Variants in KCNJ16 observed in about 807,000 individuals in gnomAD.
KCNJ16 encodes the protein inward rectifier potassium channel 16.
KCNJ16 carries 15 observed loss-of-function variants against 18.5 expected under a neutral mutation model. That is an observed-to-expected ratio of 0.81 (90% CI 0.54 to 1.25). The LOEUF (loss-of-function observed/expected upper bound fraction) is 1.25, where lower values mean the gene tolerates loss of function less well. KCNJ16 is among the 50% of genes most tolerant of loss of function. The pLI, the probability that KCNJ16 is intolerant of heterozygous loss-of-function variation, is 0.00. For synonymous variants in KCNJ16, 174 were observed against 186.5 expected (o/e 0.93, Z 0.55); for missense variants, 523 against 525.7 (o/e 0.99, Z 0.05).
At chr17:70,120,951 C>T (rs1341218962) in intron 2 of KCNJ16, among the ~76,000 whole-genome samples, 2 of 152,084 alleles carry the variant, frequency 1.3e-5, no homozygotes, top group Non-Finnish European at 2.9e-5. Flanking sequence ...AAGCTTATTA[C>T]CCCCTCTTTA....
At chr17:70,084,405 A>G (rs933498694) in intron 1 of KCNJ16, among the ~76,000 whole-genome samples, 5 of 152,242 alleles carry the variant, frequency 3.3e-5, no homozygotes, top group African/African-American at 1.2e-4. Context: ...GTGTTATGAT[A>G]GAACGGCTTG....
chr17:70,115,512 C>T (rs2073366992), intron 2 of KCNJ16, among the ~76,000 whole-genome samples: 1 of 151,892 alleles, frequency 6.6e-6, no homozygotes, highest in Non-Finnish European at 1.5e-5. Flanking sequence ...ATTTTCTTTC[C>T]AAAGTTATTG....
At chr17:70,085,313 T>C (rs2071744806) in intron 1 of KCNJ16, among the ~76,000 whole-genome samples, 1 of 152,220 alleles carries the variant, frequency 6.6e-6, no homozygotes, top group Non-Finnish European at 1.5e-5. Context: ...TTCTAAATGC[T>C]TTAAAAATAT....
chr17:70,105,611 T>G (rs1389812959), intron 2 of KCNJ16, among the ~76,000 whole-genome samples: 1 of 152,230 alleles, frequency 6.6e-6, no homozygotes, highest in Non-Finnish European at 1.5e-5. Flanking sequence ...AAAGACTCTT[T>G]AGAAAAACAA....
At chr17:70,077,640 C>A (rs147828596) in intron 1 of KCNJ16, among the ~76,000 whole-genome samples, 56 of 151,234 alleles carry the variant, frequency 3.7e-4, no homozygotes, top group African/African-American at 1.3e-3. Context: ...AATTAGAAGT[C>A]TTTCTCCAAA....
rs150946517 is a variant in KCNJ16 at position 70,078,149 on chromosome 17, G to C, written c.-300+2759G>C. 9.5e-3 allele frequency among the ~76,000 whole-genome samples: 1,449 copies of C among 152,206 alleles called. 64 individuals are homozygous for C. The South Asian group carries it at 0.13, about 14-fold the overall frequency. On this transcript the variant is annotated intron_variant, in intron 1 of 3. Coordinates refer to ENST00000392671, the MANE Select transcript of KCNJ16 (RefSeq NM_170741.4). Reference sequence around the variant, plus strand: ...ACCTTGTTCCAGAAAGTTCTACTCTGAAATCAAGGATCTGGATGCAAAACA... The same window carrying C: ...ACCTTGTTCCAGAAAGTTCTACTCTCAAATCAAGGATCTGGATGCAAAACA...
chr17:70,084,071 C>A (rs2071682741), intron 1 of KCNJ16, among the ~76,000 whole-genome samples: 1 of 152,192 alleles, frequency 6.6e-6, no homozygotes, highest in Non-Finnish European at 1.5e-5. Context: ...GCTCACCTGC[C>A]AATCCATAAT....
intron 2 of KCNJ16, among the ~76,000 whole-genome samples, chr17:70,103,258 T>C (rs1356153350): frequency 7.2e-5 from 8 of 110,568 alleles, no homozygotes; most frequent in Admixed American, 6.9e-4. Flanking sequence ...TATATATTTA[T>C]GTGTATATGT....
At chr17:70,088,460 G>T (rs1045287329) in intron 1 of KCNJ16, among the ~76,000 whole-genome samples, 3 of 152,204 alleles carry the variant, frequency 2.0e-5, no homozygotes, top group Non-Finnish European at 1.5e-5. Flanking sequence ...ACAGGCCATG[G>T]ACTGGTCCCG....
intron 1 of KCNJ16, among the ~76,000 whole-genome samples, chr17:70,090,717 C>G (rs1167915392): frequency 6.6e-6 from 1 of 151,376 alleles, no homozygotes; most frequent in African/African-American, 2.4e-5. Context: ...CACAATACCG[C>G]TAACCCACTC....
Position 70,132,659 on chromosome 17 carries a change from G to A in KCNJ16, c.572G>A (p.Gly191Asp), listed in dbSNP as rs759393416. 9.3e-6 allele frequency: 15 copies of A among 1,614,094 alleles called. No homozygotes were observed. The South Asian group carries it at 1.3e-4, about 14-fold the overall frequency. The change falls in exon 4 of 4, where the codon GGT (glycine) becomes GAT (aspartate). Residue 191 changes from glycine (G) to aspartate (D), a missense_variant. By Grantham distance (94) the Gly-to-Asp change is moderately conservative (BLOSUM62 -1). Transcript: ENST00000392671. ...TIRFSYFALI[G>D]MRDGKLCLMW... Reference sequence around the variant, plus strand: ...CGTTTCAGCTACTTTGCACTTATAGGTATGAGAGATGGGAAGCTTTGCCTC... The same window carrying A: ...CGTTTCAGCTACTTTGCACTTATAGATATGAGAGATGGGAAGCTTTGCCTC...
chr17:70,125,579 C>T (rs1052423533), intron 2 of KCNJ16, among the ~76,000 whole-genome samples: 1 of 151,974 alleles, frequency 6.6e-6, no homozygotes, highest in East Asian at 1.9e-4. Flanking sequence ...TTGGATCTTG[C>T]GCAAGAAAGA....
chr17:70,107,130 T>C (rs534625826), intron 2 of KCNJ16, among the ~76,000 whole-genome samples: 2 of 152,322 alleles, frequency 1.3e-5, no homozygotes, highest in South Asian at 4.1e-4. Flanking sequence ...TAAATTCTTA[T>C]AATTGTCCTT....
At chr17:70,092,305 GAAC>G (rs2072124045) in intron 1 of KCNJ16, among the ~76,000 whole-genome samples, 2 of 151,994 alleles carry the variant, frequency 1.3e-5, no homozygotes, top group Admixed American at 6.6e-5. Flanking sequence ...TGAAGTCAAA[GAAC>G]AACATTTTAA....
chr17:70,108,363 G>A lies in KCNJ16; in HGVS notation c.-191+7597G>A, dbSNP rs987242416. The stretch of plus-strand genomic sequence containing the variant: ...AGCCCAATCTCTGCTGGTCAGTCAC[G>A]CAGTTGAGGTCAGGGAAGGTATGTT... On this transcript the variant is annotated intron_variant, in intron 2 of 3. Transcript: ENST00000392671. The A allele has an allele frequency of 2.0e-5, 3 of 152,296 alleles. No homozygotes were observed. In the East Asian group the frequency reaches 5.8e-4, roughly 29 times the overall value. The allele number at this position is 152,296 out of a possible 1,614,324, so 9.4% of individuals were successfully genotyped here.
In KCNJ16 at chr17:70,120,267, C is replaced by T. The variant is rs191703694; in HGVS notation, c.-190-10612C>T. Among the ~76,000 whole-genome samples, 6 of 152,258 alleles carry T rather than the reference C, an allele frequency of 3.9e-5. No individual in the cohort carries two copies. The East Asian group carries it at 1.2e-3, about 29-fold the overall frequency. ...ATCACTATTGGCATTTTAGTCACAA[C>T]CATGTAACACTAAGCAATTCCAAAC... On this transcript the variant is annotated intron_variant, in intron 2 of 3. Transcript: ENST00000392671.
chr17:70,076,705 T>C (rs192506330), intron 1 of KCNJ16, among the ~76,000 whole-genome samples: 58 of 152,298 alleles, frequency 3.8e-4, no homozygotes, highest in Middle Eastern at 3.4e-3. Flanking sequence ...GAAAAATATA[T>C]GTTTCTTCTA....
chr17:70,092,197 G>A (rs1243157427), intron 1 of KCNJ16, among the ~76,000 whole-genome samples: 2 of 152,038 alleles, frequency 1.3e-5, no homozygotes, highest in Non-Finnish European at 2.9e-5. Context: ...TTTTACATAA[G>A]TGTTTTCTAC....
chr17:70,103,329 C>CACACACATATCACACAT (rs1320255354), intron 2 of KCNJ16, among the ~76,000 whole-genome samples: 2 of 129,486 alleles, frequency 1.5e-5, no homozygotes, highest in East Asian at 4.5e-4. Context: ...TATACACACA[C>CACACACATATCACACAT]ATATATATAT....
Sources: gnomAD v4.1 joint callset for allele counts (sites outside exome capture counted in the v4.1 genomes callset) on GRCh38, gnomAD v4.1.1 for gene constraint, MANE v1.5 for transcripts, NCBI Gene and HGNC (gene_info 2026-07-23, HGNC 2026-07-21) for gene names.